The following USP6NL variants were observed in gnomAD, a reference collection of about 807,000 sequenced individuals.
USP6NL encodes the protein USP6 N-terminal-like protein.
Under a neutral mutation model 61.9 loss-of-function variants are expected in USP6NL, and 26 were observed. The ratio of observed to expected loss-of-function variants is 0.42; its 90% CI spans 0.31 to 0.58. The LOEUF (loss-of-function observed/expected upper bound fraction) is 0.58, where lower values mean the gene tolerates loss of function less well. USP6NL is among the 20% of genes least tolerant of loss of function. The probability of loss-of-function intolerance (pLI) is 0.16; values close to 1 mark genes in which losing one functional copy is unlikely to be tolerated. For missense variants in USP6NL, 1,114 were observed against 1,034.3 expected, an observed-to-expected ratio of 1.08 and a Z score of -1.06; for synonymous variants, 432 against 390.1, an observed-to-expected ratio of 1.11 and a Z score of -1.27.
At chr10:11,539,312 G>T (rs1835958199) in intron 2 of USP6NL, among the ~76,000 whole-genome samples, 1 of 152,198 alleles carries the variant, frequency 6.6e-6, no homozygotes, top group African/African-American at 2.4e-5. Flanking sequence ...TTTCACTCCA[G>T]ATCTGATGCC....
chr10:11,580,746 G>T (rs571277022), intron 2 of USP6NL, among the ~76,000 whole-genome samples: 1 of 152,172 alleles, frequency 6.6e-6, no homozygotes. Context: ...CTAGAAGAAT[G>T]ACATAGGAAA....
Position 11,474,767 on chromosome 10 carries a change from T to C in USP6NL, c.1078+7003A>G, listed in dbSNP as rs1832897552. 6.6e-6 allele frequency among the ~76,000 whole-genome samples: 1 copy of C among 152,174 alleles called. No individual in the cohort carries two copies. The highest frequency in any genetic ancestry group is 6.5e-5 in the Admixed American group (1 of 15,282). Reference sequence around the variant, plus strand: ...GGGCTGCTGGAAAAAATTAAGTTAATATGTGAATTCAAAGCATTTAGCAAA... The same window carrying C: ...GGGCTGCTGGAAAAAATTAAGTTAACATGTGAATTCAAAGCATTTAGCAAA... On this transcript the variant is annotated intron_variant, in intron 14 of 14. Transcript: ENST00000609104. This position sits in a 1 kb window ranked among gnomAD's most constrained non-coding sequence, Gnocchi z 4.9.
intron 13 of USP6NL, among the ~76,000 whole-genome samples, chr10:11,484,476 G>T (rs1833375575): frequency 6.6e-6 from 1 of 151,494 alleles, no homozygotes; most frequent in Non-Finnish European, 1.5e-5. Context: ...ATAATGCACT[G>T]AGGTAGAGAA....
At chr10:11,483,524 A>G (rs73567392) in intron 13 of USP6NL, among the ~76,000 whole-genome samples, 21,448 of 46,550 alleles carry the variant, frequency 0.46, 5,673 homozygotes, top group East Asian at 0.83. Flanking sequence ...GGGAGAGGAG[A>G]AGAGAGAGAG....
chr10:11,473,411 G>A (rs1435226250), intron 14 of USP6NL, among the ~76,000 whole-genome samples: 1 of 152,178 alleles, frequency 6.6e-6, no homozygotes, highest in African/African-American at 2.4e-5. Context: ...ACAGGTGCAG[G>A]TGATCAAGTT....
intron 5 of USP6NL, among the ~76,000 whole-genome samples, chr10:11,516,942 C>G (rs1366789033): frequency 6.6e-6 from 1 of 152,126 alleles, no homozygotes; most frequent in East Asian, 1.9e-4. Flanking sequence ...CTTCACCTCC[C>G]CATTTATTGA....
rs533633298 is a variant in USP6NL at position 11,482,985 on chromosome 10, T to C, written c.926-1063A>G. On this transcript the variant is annotated intron_variant, in intron 13 of 14. Coordinates refer to ENST00000609104, the MANE Select transcript of USP6NL (RefSeq NM_014688.5). This position sits in a 1 kb window ranked among gnomAD's most constrained non-coding sequence, Gnocchi z 4.0. The stretch of plus-strand genomic sequence containing the variant: ...ATTACCTCACATACTTATCTGTCCA[T>C]AGTGAGAACATTTAAGATGTACTCT... 2.0e-5 allele frequency among the ~76,000 whole-genome samples: 3 copies of C among 150,940 alleles called. No homozygotes were observed. In the South Asian group the frequency reaches 6.2e-4, roughly 31 times the overall value.
chr10:11,481,678 T>C lies in USP6NL; in HGVS notation c.1078+92A>G. On this transcript the variant is annotated intron_variant, in intron 14 of 14. Transcript: ENST00000609104. This position sits in a 1 kb window ranked among gnomAD's most constrained non-coding sequence, Gnocchi z 4.4. The stretch of plus-strand genomic sequence containing the variant: ...ATTATGTCATCACAAGTATAATGCT[T>C]ACGCTGTGGGCAAGAAACAGCCCAT... The C allele has an allele frequency of 1.5e-6, 2 of 1,360,546 alleles. No individual in the cohort carries two copies. Among genetic ancestry groups the C allele is most frequent in the Non-Finnish European group, 2.0e-6 (2 of 1,019,212 alleles). 84.3% of individuals were successfully genotyped at this position (1,360,546 alleles called of 1,614,324 possible).
Position 11,562,560 on chromosome 10 carries a change from G to A in USP6NL, c.5-34993C>T. On this transcript the variant is annotated intron_variant, in intron 2 of 14. Transcript: ENST00000609104. This position sits in a 1 kb window ranked among gnomAD's most constrained non-coding sequence, Gnocchi z 4.8. ...ACTGTGACTACTCTGAGTCTAGCTA[G>A]CCTGGACTGTTTCAGCCACTCAGCC... is the stretch of plus-strand genomic sequence containing the variant. The A allele has an allele frequency of 1.0e-6, 1 of 985,382 alleles. No homozygotes were observed. Among genetic ancestry groups the A allele is most frequent in the Non-Finnish European group, 1.2e-6 (1 of 829,908 alleles). The allele number at this position is 985,382 out of a possible 1,614,324, so 61.0% of individuals were successfully genotyped here. A position where few individuals can be genotyped will look rare whatever the true frequency, so the allele number is the denominator to read the frequency against.
rs1378566876 is a variant in USP6NL, at chr10:11,587,772, G to A, written c.4+9859C>T. On this transcript the variant is annotated intron_variant, in intron 2 of 14. Transcript: ENST00000609104. The surrounding 1 kb of genome is among the most constrained non-coding windows in gnomAD (Gnocchi z 4.5). Reference sequence around the variant, plus strand: ...GGAATTCTACTAAAAGGGATCTCTCGATAAAAGCCAAAAGCCGTCTCATTT... The same window carrying A: ...GGAATTCTACTAAAAGGGATCTCTCAATAAAAGCCAAAAGCCGTCTCATTT... Among the ~76,000 whole-genome samples, 2 of 152,044 alleles carry A rather than the reference G, an allele frequency of 1.3e-5. No individual in the cohort carries two copies. Among genetic ancestry groups the A allele is most frequent in the African/African-American group, 2.4e-5 (1 of 41,408 alleles).
intron 8 of USP6NL, among the ~76,000 whole-genome samples, chr10:11,492,400 G>C (rs1021625814): frequency 1.3e-5 from 2 of 152,194 alleles, no homozygotes; most frequent in Non-Finnish European, 2.9e-5. Flanking sequence ...AAGTAGGAGA[G>C]ATTATCCTAG....
At position 11,463,618 on chromosome 10, in the gene USP6NL, TCCA is replaced by T. The variant is rs1832291891; in HGVS notation, c.1307_1309del (p.Val436del). On this transcript the variant is annotated inframe_deletion, in exon 15 of 15. Coordinates refer to ENST00000609104, the MANE Select transcript of USP6NL (RefSeq NM_014688.5). The surrounding 1 kb of genome is among the most constrained non-coding windows in gnomAD (Gnocchi z 6.3). ...ATCTTTAAGCTTTTTGCTCTCCTCC[TCCA>T]CCGATTTCCGTCTTGGCGGCTGTGC... is the stretch of plus-strand genomic sequence containing the variant. The T allele has an allele frequency of 6.2e-7, 1 of 1,613,856 alleles. No individual in the cohort carries two copies. Among genetic ancestry groups the T allele is most frequent in the African/African-American group, 1.3e-5 (1 of 74,912 alleles).
In USP6NL at chr10:11,555,415, T is replaced by TA. The variant is rs558901276; in HGVS notation, c.5-27849dup. On this transcript the variant is annotated intron_variant, in intron 2 of 14. Transcript: ENST00000609104. The stretch of plus-strand genomic sequence containing the variant: ...GGGCAACAAGAGTGAAACTCGGTCT[T>TA]AAAAAAAAAAAAAAAAAAATATATA... Among the ~76,000 whole-genome samples the TA allele has an allele frequency of 2.9e-3, 77 of 26,868 alleles. 2 individuals are homozygous for TA. Among genetic ancestry groups the TA allele is most frequent in the African/African-American group, 9.3e-3 (61 of 6,564 alleles). The allele number at this position is 26,868 out of a possible 152,430, so 17.6% of individuals were successfully genotyped here. A position where few individuals can be genotyped will look rare whatever the true frequency, so the allele number is the denominator to read the frequency against.
At chr10:11,512,146 C>CA (rs1834746628) in intron 5 of USP6NL, among the ~76,000 whole-genome samples, 1 of 152,170 alleles carries the variant, frequency 6.6e-6, no homozygotes. Context: ...GCCATAGACT[C>CA]AACCACAATA....
In USP6NL at chr10:11,511,220, T is replaced by C. The variant is rs1197768911; in HGVS notation, c.196-1545A>G. On this transcript the variant is annotated intron_variant, in intron 5 of 14. Transcript: ENST00000609104. The surrounding 1 kb of genome is among the most constrained non-coding windows in gnomAD (Gnocchi z 4.9). ...GTTTCTCACAATAAAAGATGAGCAC[T>C]CATGAGAAAAAGATATTCTTTTATA... Among the ~76,000 whole-genome samples, 1 of 152,234 alleles carries C rather than the reference T, an allele frequency of 6.6e-6. No individual in the cohort carries two copies. Among genetic ancestry groups the C allele is most frequent in the African/African-American group, 2.4e-5 (1 of 41,458 alleles).
intron 2 of USP6NL, among the ~76,000 whole-genome samples, chr10:11,583,900 G>C (rs1160942320): frequency 6.6e-6 from 1 of 152,106 alleles, no homozygotes; most frequent in East Asian, 1.9e-4. Context: ...GTGGTGGAGG[G>C]TGCCTGTGGT....
rs533102205 is a variant in USP6NL at position 11,596,753 on chromosome 10, T to C, written c.4+878A>G. 1.3e-5 allele frequency among the ~76,000 whole-genome samples: 2 copies of C among 152,208 alleles called. No homozygotes were observed. The highest frequency in any genetic ancestry group is 4.8e-5 in the African/African-American group (2 of 41,542). The stretch of plus-strand genomic sequence containing the variant: ...AAAAATCAAAGACCGTTCCTTACAA[T>C]ATTATTCTTAGTAGAAGCACTCCAA... On this transcript the variant is annotated intron_variant, in intron 2 of 14. Coordinates refer to ENST00000609104, the MANE Select transcript of USP6NL (RefSeq NM_014688.5). This position sits in a 1 kb window ranked among gnomAD's most constrained non-coding sequence, Gnocchi z 4.1.
In USP6NL at chr10:11,462,243, T is replaced by C; in HGVS notation, c.*198A>G. 2 of 637,730 alleles carry C rather than the reference T, an allele frequency of 3.1e-6. No homozygotes were observed. Among genetic ancestry groups the C allele is most frequent in the East Asian group, 5.6e-5 (2 of 35,426 alleles). 39.5% of individuals were successfully genotyped at this position (637,730 alleles called of 1,614,324 possible). A position where few individuals can be genotyped will look rare whatever the true frequency, so the allele number is the denominator to read the frequency against. Reference sequence around the variant, plus strand: ...TCCGGGTTAAATTCTAACAGGTCAGTGATGATGCAATTGAAACGCTCATCT... The same window carrying C: ...TCCGGGTTAAATTCTAACAGGTCAGCGATGATGCAATTGAAACGCTCATCT... On this transcript the variant is annotated 3_prime_UTR_variant, in exon 15 of 15. Transcript: ENST00000609104.
intron 14 of USP6NL, among the ~76,000 whole-genome samples, chr10:11,469,947 A>G (rs1455927420): frequency 6.6e-6 from 1 of 152,230 alleles, no homozygotes; most frequent in Non-Finnish European, 1.5e-5. Context: ...TGCCATCTAC[A>G]CATTTCTCCC....
Sources: gnomAD v4.1 joint callset for allele counts (sites outside exome capture counted in the v4.1 genomes callset) on GRCh38, gnomAD v4.1.1 for gene constraint, Gnocchi (gnomAD v3.1) non-coding constraint, MANE v1.5 for transcripts, NCBI Gene and HGNC (gene_info 2026-07-23, HGNC 2026-07-21) for gene names.